The following DPYSL2 variants were observed in gnomAD, a reference collection of about 807,000 sequenced individuals.
DPYSL2 encodes the protein dihydropyrimidinase like 2, also known as dihydropyrimidinase-related protein 2.
Under a neutral mutation model 69.9 loss-of-function variants are expected in DPYSL2, and 13 were observed. The observed-to-expected ratio is 0.19, with a 90% CI of 0.12 to 0.30. The LOEUF (loss-of-function observed/expected upper bound fraction) is 0.30. Among genes scored for constraint, DPYSL2 ranks in the 10% least tolerant of loss-of-function variants. The probability of loss-of-function intolerance (pLI) is 1.00; values close to 1 mark genes in which losing one functional copy is unlikely to be tolerated. For synonymous variants in DPYSL2, 326 were observed against 359.1 expected, an observed-to-expected ratio of 0.91 and a Z score of 1.04; for missense variants, 587 against 918.9, an observed-to-expected ratio of 0.64 and a Z score of 4.67.
At chr8:26,579,590 C>A (rs374298694) in intron 1 of DPYSL2, among the ~76,000 whole-genome samples, 2 of 152,206 alleles carry the variant, frequency 1.3e-5, no homozygotes, top group East Asian at 1.9e-4. Flanking sequence ...GCTTCCTCTC[C>A]GTGCACAAGG....
At chr8:26,637,371 A>G (rs1802945361) in intron 8 of DPYSL2, among the ~76,000 whole-genome samples, 1 of 152,190 alleles carries the variant, frequency 6.6e-6, no homozygotes, top group African/African-American at 2.4e-5. Flanking sequence ...CAGCCCTGGC[A>G]GGAATTTTTA....
At chr8:26,579,036 C>T (rs1379467658) in intron 1 of DPYSL2, among the ~76,000 whole-genome samples, 1 of 152,180 alleles carries the variant, frequency 6.6e-6, no homozygotes, top group Non-Finnish European at 1.5e-5. Context: ...GTCTCTTTTC[C>T]GCCCCTTCTG....
chr8:26,529,636 T>C (rs891804424), intron 1 of DPYSL2, among the ~76,000 whole-genome samples: 12 of 152,066 alleles, frequency 7.9e-5, no homozygotes, highest in African/African-American at 1.4e-4. Context: ...TTTTAAAAAC[T>C]TGATGCATGT....
At chr8:26,521,418 C>A (rs562841939) in intron 1 of DPYSL2, among the ~76,000 whole-genome samples, 1 of 152,132 alleles carries the variant, frequency 6.6e-6, no homozygotes, top group Non-Finnish European at 1.5e-5. Context: ...CTCTAATGCT[C>A]CTTCTATCCA....
intron 1 of DPYSL2, among the ~76,000 whole-genome samples, chr8:26,542,619 G>C (rs10107066): frequency 0.29 from 44,100 of 151,804 alleles, 6,590 homozygotes; most frequent in African/African-American, 0.37. Context: ...TAGAGATGGG[G>C]TCTCACTCTG....
intron 1 of DPYSL2, among the ~76,000 whole-genome samples, chr8:26,568,964 A>C (rs906608049): frequency 6.6e-6 from 1 of 152,172 alleles, no homozygotes; most frequent in African/African-American, 2.4e-5. Context: ...GACAGATCCC[A>C]GTAGAAAAGG....
chr8:26,565,735 G>A lies in DPYSL2; in HGVS notation c.355-16234G>A, dbSNP rs1801137818. On this transcript the variant is annotated intron_variant, in intron 1 of 13. Transcript: ENST00000521913. This position sits in a 1 kb window ranked among gnomAD's most constrained non-coding sequence, Gnocchi z 4.1. ...TTTGTATATCACATAATAGTTCAAG[G>A]TGGGTGTTTCTGTTGAGTGGGCAGA... Among the ~76,000 whole-genome samples the A allele has an allele frequency of 6.6e-6, 1 of 152,196 alleles. No individual in the cohort carries two copies. The highest frequency in any genetic ancestry group is 6.5e-5 in the Admixed American group (1 of 15,282).
intron 1 of DPYSL2, among the ~76,000 whole-genome samples, chr8:26,538,509 A>G (rs1352351284): frequency 6.6e-6 from 1 of 152,218 alleles, no homozygotes; most frequent in Non-Finnish European, 1.5e-5. Flanking sequence ...AGTGGTCCTC[A>G]TCACTGCCAA....
In DPYSL2 at chr8:26,625,073, T is replaced by A. The variant is rs192260675; in HGVS notation, c.793+766T>A. ...GCTTAGAAACACCATGTGCTGTGAG[T>A]GACATGGCAAGAGGGAAATCTCTAG... On this transcript the variant is annotated intron_variant, in intron 4 of 13. Coordinates refer to ENST00000521913, the MANE Select transcript of DPYSL2 (RefSeq NM_001197293.3). 2.0e-5 allele frequency among the ~76,000 whole-genome samples: 3 copies of A among 152,152 alleles called. No individual in the cohort carries two copies. In the East Asian group the frequency reaches 5.8e-4, roughly 29 times the overall value.
chr8:26,582,155 A>G lies in DPYSL2; in HGVS notation c.443+98A>G. ...ATCCAAAGTATCAAACTTCAGGAAC[A>G]TCAGAGAGTGACCAACTTAGTATCT... is the stretch of plus-strand genomic sequence containing the variant. On this transcript the variant is annotated intron_variant, in intron 2 of 13. Transcript: ENST00000521913. The surrounding 1 kb of genome is among the most constrained non-coding windows in gnomAD (Gnocchi z 4.1). The G allele has an allele frequency of 7.3e-6, 7 of 960,490 alleles. No individual in the cohort carries two copies. Among genetic ancestry groups the G allele is most frequent in the Non-Finnish European group, 9.6e-6 (6 of 625,674 alleles). 59.5% of individuals were successfully genotyped at this position (960,490 alleles called of 1,614,324 possible). A position where few individuals can be genotyped will look rare whatever the true frequency, so the allele number is the denominator to read the frequency against.
chr8:26,623,299 C>G (rs1434070204), intron 3 of DPYSL2, among the ~76,000 whole-genome samples: 1 of 152,136 alleles, frequency 6.6e-6, no homozygotes, highest in Non-Finnish European at 1.5e-5. Context: ...TTACTGGGGA[C>G]TTGAATCTTT....
chr8:26,574,355 G>A (rs538970277), intron 1 of DPYSL2, among the ~76,000 whole-genome samples: 2 of 152,108 alleles, frequency 1.3e-5, no homozygotes, highest in South Asian at 4.1e-4. Context: ...TTGAAGCTGC[G>A]GAAAAGACAG....
chr8:26,633,040 A>G (rs1489230516), intron 7 of DPYSL2, among the ~76,000 whole-genome samples: 2 of 152,240 alleles, frequency 1.3e-5, no homozygotes, highest in Admixed American at 6.5e-5. Flanking sequence ...TCTGGTGGAG[A>G]CAAGGTAACC....
At position 26,643,728 on chromosome 8, in the gene DPYSL2, G is replaced by A. The variant is rs1803102722; in HGVS notation, c.1283+133G>A. 7.4e-7 allele frequency: 1 copy of A among 1,351,472 alleles called. No individual in the cohort carries two copies. The highest frequency in any genetic ancestry group is 1.0e-6 in the Non-Finnish European group (1 of 972,534). 83.7% of individuals were successfully genotyped at this position (1,351,472 alleles called of 1,614,324 possible). The stretch of plus-strand genomic sequence containing the variant: ...GACCCTTGTTCACCAAACTAGGTTG[G>A]CTACATGAGTACAGGGAATTGTCAT... On this transcript the variant is annotated intron_variant, in intron 9 of 13. Coordinates refer to ENST00000521913, the MANE Select transcript of DPYSL2 (RefSeq NM_001197293.3). The surrounding 1 kb of genome is among the most constrained non-coding windows in gnomAD (Gnocchi z 6.5).
chr8:26,528,783 G>T (rs904983759), intron 1 of DPYSL2, among the ~76,000 whole-genome samples: 4 of 152,228 alleles, frequency 2.6e-5, no homozygotes, highest in African/African-American at 7.2e-5. Flanking sequence ...GGCAGAGGGA[G>T]CAGGGAAATA....
chr8:26,652,539 A>G lies in DPYSL2; in HGVS notation c.1776+103A>G. ...TGAGACAGAATATTAAGATGAATTTAGTGGATTCCAGGGATAAGAGGGAGC... is the reference window on the plus strand; with the variant it reads ...TGAGACAGAATATTAAGATGAATTTGGTGGATTCCAGGGATAAGAGGGAGC... On this transcript the variant is annotated intron_variant, in intron 12 of 13. Coordinates refer to ENST00000521913, the MANE Select transcript of DPYSL2 (RefSeq NM_001197293.3). The surrounding 1 kb of genome is among the most constrained non-coding windows in gnomAD (Gnocchi z 6.3). The G allele has an allele frequency of 3.1e-6, 4 of 1,283,402 alleles. No individual in the cohort carries two copies. The highest frequency in any genetic ancestry group is 4.3e-6 in the Non-Finnish European group (4 of 933,954). The allele number at this position is 1,283,402 out of a possible 1,614,324, so 79.5% of individuals were successfully genotyped here. A position where few individuals can be genotyped will look rare whatever the true frequency, so the allele number is the denominator to read the frequency against.
rs188887683 is a variant in DPYSL2, at chr8:26,534,781, G to T, written c.354+20102G>T. Among the ~76,000 whole-genome samples, 11 of 151,546 alleles carry T rather than the reference G, an allele frequency of 7.3e-5. No homozygotes were observed. In the East Asian group the frequency reaches 2.1e-3, roughly 30 times the overall value. On this transcript the variant is annotated intron_variant, in intron 1 of 13. Transcript: ENST00000521913. ...CTAAGTAGCTAGGACTACAGGCATC[G>T]GCCACCATGCCAGGCTAATTTTTAT... is the stretch of plus-strand genomic sequence containing the variant.
chr8:26,580,744 A>G lies in DPYSL2; in HGVS notation c.355-1225A>G, dbSNP rs573022255. Among the ~76,000 whole-genome samples the G allele has an allele frequency of 2.0e-5, 3 of 152,230 alleles. No individual in the cohort carries two copies. Among genetic ancestry groups the G allele is most frequent in the Non-Finnish European group, 4.4e-5 (3 of 68,040 alleles). ...TTTGTAACTGAATTTTGAGTTAACT[A>G]TTGCCAAAAGAATGTCATTCTTTGA... On this transcript the variant is annotated intron_variant, in intron 1 of 13. Transcript: ENST00000521913. The surrounding 1 kb of genome is among the most constrained non-coding windows in gnomAD (Gnocchi z 4.1).
At position 26,514,341 on chromosome 8, in the gene DPYSL2, C is replaced by A; in HGVS notation, c.16C>A (p.Gln6Lys). The stretch of plus-strand genomic sequence containing the variant: ...CCCCCGAGCCATGGCCGAGAGAAAG[C>A]AATCCGGGAAGGCGGCAGAGGACGA... Reference protein sequence around the residue: MAERKQSGKAAEDEEV... With the variant: MAERKKSGKAAEDEEV... The change falls in exon 1 of 14, where the codon CAA becomes AAA. Residue 6 changes from glutamine (Q) to lysine (K), a missense_variant. Gln to Lys is a moderately conservative substitution (Grantham distance 53). Coordinates refer to ENST00000521913, the MANE Select transcript of DPYSL2 (RefSeq NM_001197293.3). The surrounding 1 kb of genome is among the most constrained non-coding windows in gnomAD (Gnocchi z 8.4). 6.8e-7 allele frequency: 1 copy of A among 1,468,084 alleles called. No individual in the cohort carries two copies. Among genetic ancestry groups the A allele is most frequent in the Non-Finnish European group, 9.0e-7 (1 of 1,113,926 alleles). The allele number at this position is 1,468,084 out of a possible 1,614,324, so 90.9% of individuals were successfully genotyped here.
Sources: allele counts gnomAD v4.1 joint callset (sites outside exome capture counted in the v4.1 genomes callset), GRCh38; gene constraint gnomAD v4.1.1; non-coding constraint Gnocchi (gnomAD v3.1); transcripts MANE v1.5; gene names NCBI Gene and HGNC (gene_info 2026-07-23, HGNC 2026-07-21).